The following TLL2 variants were observed in gnomAD, a reference collection of about 807,000 sequenced individuals.
TLL2 encodes tolloid like 2.
TLL2 carries 106 observed loss-of-function variants against 123.0 expected under a neutral mutation model. That is an observed-to-expected ratio of 0.86 (90% CI 0.74 to 1.01). The LOEUF is 1.01. Among genes scored for constraint, TLL2 ranks in the 50% least tolerant of loss-of-function variants. TLL2 has a pLI of 0.00. For synonymous variants in TLL2, 494 were observed against 516.8 expected (o/e 0.96, Z 0.60); for missense variants, 1,332 against 1,336.7 (o/e 1.00, Z 0.06).
At chr10:96,488,374 G>A (rs962746672) in intron 1 of TLL2, among the ~76,000 whole-genome samples, 2 of 152,194 alleles carry the variant, frequency 1.3e-5, no homozygotes, top group Admixed American at 1.3e-4. Flanking sequence ...CAGCACCTGC[G>A]GGAAGCCCCC....
chr10:96,505,333 C>T (rs931535342), intron 1 of TLL2, among the ~76,000 whole-genome samples: 3 of 152,180 alleles, frequency 2.0e-5, no homozygotes, highest in Admixed American at 2.0e-4. Flanking sequence ...TCCCTTGACA[C>T]GTGGGGATTA....
At chr10:96,471,157 C>T (rs978795113) in intron 2 of TLL2, among the ~76,000 whole-genome samples, 1 of 120,046 alleles carries the variant, frequency 8.3e-6, no homozygotes. Context: ...TTTGCCACCA[C>T]ACTTGGCTAA....
chr10:96,415,474 T>C (rs1564902644), intron 7 of TLL2, among the ~76,000 whole-genome samples: 1 of 151,926 alleles, frequency 6.6e-6, no homozygotes, highest in Non-Finnish European at 1.5e-5. Context: ...CATACTGTAT[T>C]GTTTTTCTTA....
chr10:96,491,699 T>C (rs1350848995), intron 1 of TLL2, among the ~76,000 whole-genome samples: 1 of 152,208 alleles, frequency 6.6e-6, no homozygotes, highest in African/African-American at 2.4e-5. Context: ...TCTAATGATA[T>C]CTAATCCGTC....
intron 1 of TLL2, among the ~76,000 whole-genome samples, chr10:96,510,683 T>C (rs1369260364): frequency 6.6e-6 from 1 of 152,140 alleles, no homozygotes; most frequent in Non-Finnish European, 1.5e-5. Context: ...GAGTAAATGG[T>C]AAAAATGGTA....
chr10:96,436,249 A>C (rs1846793901), intron 3 of TLL2, among the ~76,000 whole-genome samples: 1 of 152,236 alleles, frequency 6.6e-6, no homozygotes, highest in Non-Finnish European at 1.5e-5. Context: ...AGCAGGTTGG[A>C]TTTGGCCTAC....
rs1439393143 is a variant in TLL2 at position 96,365,839 on chromosome 10, A to G, written c.*2249T>C. On this transcript the variant is annotated 3_prime_UTR_variant, in exon 21 of 21. Coordinates refer to ENST00000357947, the MANE Select transcript of TLL2 (RefSeq NM_012465.4). ...CAGAAGGCCTAAATAAAGGTTTTTC[A>G]TAAGAGTCCCATTGTTGCAAATTGG... 2.0e-5 allele frequency: 3 copies of G among 152,212 alleles called. No homozygotes were observed. Among genetic ancestry groups the G allele is most frequent in the Non-Finnish European group, 4.4e-5 (3 of 68,032 alleles). 9.4% of individuals were successfully genotyped at this position (152,212 alleles called of 1,614,324 possible).
At chr10:96,446,471 C>T (rs80329836) in intron 2 of TLL2, among the ~76,000 whole-genome samples, 1 of 150,968 alleles carries the variant, frequency 6.6e-6, no homozygotes, top group African/African-American at 2.4e-5. Context: ...ACCAGGCAAC[C>T]CCAAAATCAG....
rs1846162232 is a variant in TLL2 at position 96,378,984 on chromosome 10, C to G, written c.2303G>C (p.Gly768Ala). Residue 768 changes from glycine (G) to alanine (A), a missense_variant, in exon 17 of 21, where the codon GGG (glycine) becomes GCG (alanine). Gly to Ala is a moderately conservative substitution (Grantham distance 60). Transcript: ENST00000357947. ...CRNGYWLHEN[G>A]HDCKEAGCAH... ...AGCCTCACCCTCTTTGCAGTCATGCCCATTCTCGTGGAGCCAGTAGCCGTT... is the reference window on the plus strand; with the variant it reads ...AGCCTCACCCTCTTTGCAGTCATGCGCATTCTCGTGGAGCCAGTAGCCGTT... 1 of 1,614,094 alleles carries G rather than the reference C, an allele frequency of 6.2e-7. No homozygotes were observed. The highest frequency in any genetic ancestry group is 1.7e-5 in the Admixed American group (1 of 60,014).
In TLL2 at chr10:96,395,062, G is replaced by C. The variant is rs1011874120; in HGVS notation, c.1726+125C>G. ...CTCACACCCAGCTCTGAAATGCATCGCTGCCTTTTCTCTGCAGGGAGCCTT... is the reference window on the plus strand; with the variant it reads ...CTCACACCCAGCTCTGAAATGCATCCCTGCCTTTTCTCTGCAGGGAGCCTT... On this transcript the variant is annotated intron_variant, in intron 13 of 20. Transcript: ENST00000357947. The C allele has an allele frequency of 3.1e-5, 32 of 1,016,922 alleles. No homozygotes were observed. In the African/African-American group the frequency reaches 5.2e-4, roughly 16 times the overall value. The allele number at this position is 1,016,922 out of a possible 1,614,324, so 63.0% of individuals were successfully genotyped here. A position where few individuals can be genotyped will look rare whatever the true frequency, so the allele number is the denominator to read the frequency against.
chr10:96,503,600 T>C (rs1293489775), intron 1 of TLL2, among the ~76,000 whole-genome samples: 3 of 152,206 alleles, frequency 2.0e-5, no homozygotes, highest in Non-Finnish European at 4.4e-5. Context: ...GTCTTCTCCC[T>C]GTGGAGGTGA....
chr10:96,368,527 C>T (rs1278362957), intron 20 of TLL2, among the ~76,000 whole-genome samples: 1 of 152,180 alleles, frequency 6.6e-6, no homozygotes, highest in African/African-American at 2.4e-5. Flanking sequence ...GTAAACTTTA[C>T]AGCAACCTTA....
intron 20 of TLL2, 25 bp downstream of exon 20, chr10:96,370,040 C>G (rs775925670): frequency 2.6e-6 from 4 of 1,543,484 alleles, no homozygotes; most frequent in Non-Finnish European, 3.5e-6. Context: ...CACTCTGCCC[C>G]GGCCCCAGCG....
chr10:96,454,157 A>T (rs969774034), intron 2 of TLL2, among the ~76,000 whole-genome samples: 9 of 152,204 alleles, frequency 5.9e-5, no homozygotes, highest in African/African-American at 2.2e-4. Context: ...TGATCACAGA[A>T]AGAAAAAATT....
chr10:96,406,902 G>C (rs911298624), intron 9 of TLL2, among the ~76,000 whole-genome samples: 10 of 151,954 alleles, frequency 6.6e-5, no homozygotes, highest in Non-Finnish European at 1.3e-4. Context: ...CCATGCTGCA[G>C]CTCTTTTTAA....
intron 13 of TLL2, among the ~76,000 whole-genome samples, chr10:96,390,175 A>AGTT (rs1846273316): frequency 6.6e-6 from 1 of 152,262 alleles, no homozygotes; most frequent in Non-Finnish European, 1.5e-5. Context: ...AGAAGGAAGT[A>AGTT]GTTAGATGAT....
intron 2 of TLL2, among the ~76,000 whole-genome samples, chr10:96,462,915 A>G (rs1245590526): frequency 6.6e-6 from 1 of 152,220 alleles, no homozygotes; most frequent in East Asian, 1.9e-4. Flanking sequence ...AATATAGCAC[A>G]AGAAGGACAC....
At chr10:96,483,968 A>G (rs900212837) in intron 1 of TLL2, among the ~76,000 whole-genome samples, 1 of 152,132 alleles carries the variant, frequency 6.6e-6, no homozygotes, top group Admixed American at 6.5e-5. Context: ...TCTACCTCCC[A>G]TGTAGCTGGG....
At chr10:96,421,300 C>CT (rs1846618382) in intron 6 of TLL2, among the ~76,000 whole-genome samples, 1 of 152,182 alleles carries the variant, frequency 6.6e-6, no homozygotes, top group African/African-American at 2.4e-5. Flanking sequence ...CCACTCAAAC[C>CT]TCTTAAAGTA....
Sources: gnomAD v4.1 joint callset for allele counts (sites outside exome capture counted in the v4.1 genomes callset) on GRCh38, gnomAD v4.1.1 for gene constraint, MANE v1.5 for transcripts, NCBI Gene and HGNC (gene_info 2026-07-23, HGNC 2026-07-21) for gene names.